The following LACTB2 variants were observed in gnomAD, a reference collection of about 807,000 sequenced individuals.
LACTB2 encodes lactamase beta 2.
Under a neutral mutation model 34.8 loss-of-function variants are expected in LACTB2, and 32 were observed. The ratio of observed to expected loss-of-function variants is 0.92; its 90% CI spans 0.69 to 1.24. LACTB2 has a LOEUF of 1.24. Among genes scored for constraint, LACTB2 ranks in the 50% most tolerant of loss-of-function variants. The pLI is 0.00. For missense variants in LACTB2, 320 were observed against 345.0 expected, an observed-to-expected ratio of 0.93 and a Z score of 0.57; for synonymous variants, 120 against 117.5, an observed-to-expected ratio of 1.02 and a Z score of -0.14.
intron 5 of LACTB2, 103 bp from the exon 6 acceptor site, chr8:70,638,732 T>C (rs910048452): frequency 1.0e-6 from 1 of 972,054 alleles, no homozygotes. Context: ...AGCAAAAGTT[T>C]ATCTTAAACA....
chr8:70,649,287 G>C (rs1265865020), intron 3 of LACTB2, among the ~76,000 whole-genome samples: 1 of 152,158 alleles, frequency 6.6e-6, no homozygotes, highest in Non-Finnish European at 1.5e-5. Flanking sequence ...ACCAGCATCA[G>C]GCCCGGAGGA....
intron 5 of LACTB2, among the ~76,000 whole-genome samples, chr8:70,639,628 G>A (rs1397489153): frequency 6.6e-6 from 1 of 152,044 alleles, no homozygotes; most frequent in Non-Finnish European, 1.5e-5. Flanking sequence ...AGGTTACAGG[G>A]TAATATCTTT....
At chr8:70,652,484 G>A (rs1818355315) in intron 3 of LACTB2, 1 of 152,170 alleles carries the variant, frequency 6.6e-6, no homozygotes, top group Admixed American at 6.6e-5. Flanking sequence ...TTTTTAAAAT[G>A]TGTCTGTTTT....
At chr8:70,660,809 A>G (rs773292748) in intron 2 of LACTB2, 2 of 451,216 alleles carry the variant, frequency 4.4e-6, no homozygotes, top group South Asian at 3.1e-5. Flanking sequence ...TTTTTTTTTC[A>G]TTCTGGTGCC....
At chr8:70,646,561 C>T (rs1378106861) in intron 3 of LACTB2, 2 of 152,116 alleles carry the variant, frequency 1.3e-5, no homozygotes, top group Admixed American at 1.3e-4. Flanking sequence ...AAATTCTACC[C>T]TATATAAGAA....
chr8:70,663,531 G>T lies in LACTB2; in HGVS notation c.123-1634C>A, dbSNP rs1818504434. 2.0e-5 allele frequency among the ~76,000 whole-genome samples: 3 copies of T among 152,330 alleles called. No individual in the cohort carries two copies. The South Asian group carries it at 6.2e-4, about 32-fold the overall frequency. ...GGACCAAGAGGGCATTTATTATAGG[G>T]TTCTGTTGGTAGTGGAAATGTAAGG... is the stretch of plus-strand genomic sequence containing the variant. On this transcript the variant is annotated intron_variant, in intron 1 of 6. Transcript: ENST00000276590.
chr8:70,645,479 G>A (rs1477684001), intron 3 of LACTB2, among the ~76,000 whole-genome samples: 2 of 151,890 alleles, frequency 1.3e-5, no homozygotes, highest in Non-Finnish European at 2.9e-5. Context: ...GCAGAAGGTG[G>A]TCAGAAAAAG....
chr8:70,664,827 A>G (rs551931642), intron 1 of LACTB2, among the ~76,000 whole-genome samples: 1 of 152,352 alleles, frequency 6.6e-6, no homozygotes, highest in South Asian at 2.1e-4. Context: ...TTTATTTTAT[A>G]GAAAACTTAT....
At chr8:70,650,735 C>CAAAAAAAAAAAAAAAAAAA (rs61025700) in intron 3 of LACTB2, among the ~76,000 whole-genome samples, 3 of 46,206 alleles carry the variant, frequency 6.5e-5, no homozygotes, top group Non-Finnish European at 7.4e-5. Flanking sequence ...GACTCCATCT[C>CAAAAAAAAAAAAAAAAAAA]AAAAAAAAAA....
chr8:70,638,506 T>G, intron 6 of LACTB2, 42 bp downstream of exon 6: 1 of 1,504,108 alleles, frequency 6.6e-7, no homozygotes, highest in Non-Finnish European at 8.9e-7. Context: ...GTAAAAATAT[T>G]TTAAATGCTG....
At chr8:70,654,079 C>G (rs1340190281) in intron 3 of LACTB2, 2 of 152,154 alleles carry the variant, frequency 1.3e-5, no homozygotes, top group African/African-American at 4.8e-5. Flanking sequence ...ACACTTACCC[C>G]CCTCCACAAA....
rs1321482634 is a variant in LACTB2 at position 70,661,994 on chromosome 8, A to G, written c.123-97T>C. ...TAATTTACATTAAAGAAACTGCAAA[A>G]ATTATTTTACTTTTAACATGCACAA... is the stretch of plus-strand genomic sequence containing the variant. On this transcript the variant is annotated intron_variant, in intron 1 of 6. Transcript: ENST00000276590. 4 of 1,073,564 alleles carry G rather than the reference A, an allele frequency of 3.7e-6. No individual in the cohort carries two copies. The African/African-American group carries it at 6.4e-5, about 17-fold the overall frequency. The allele number at this position is 1,073,564 out of a possible 1,614,324, so 66.5% of individuals were successfully genotyped here. A position where few individuals can be genotyped will look rare whatever the true frequency, so the allele number is the denominator to read the frequency against.
In LACTB2 at chr8:70,643,050, T is replaced by C. The variant is rs139896065; in HGVS notation, c.592+1015A>G. On this transcript the variant is annotated intron_variant, in intron 4 of 6. Coordinates refer to ENST00000276590, the MANE Select transcript of LACTB2 (RefSeq NM_016027.3). ...AGTGGTTTATGGAATGAAAACATTT[T>C]CCCATTTCAATGTAAGTTTATGTCT... Among the ~76,000 whole-genome samples the C allele has an allele frequency of 1.7e-3, 259 of 152,304 alleles. 1 individual carries two copies. In the East Asian group the frequency reaches 0.036, roughly 21 times the overall value.
rs990900411 is a variant in LACTB2, at chr8:70,668,748, G to GTTTTTTTTTTTTTTTTTTTTTTTTTTTT, written c.122+250_122+251insAAAAAAAAAAAAAAAAAAAAAAAAAAAA. Among the ~76,000 whole-genome samples the GTTTTTTTTTTTTTTTTTTTTTTTTTTTT allele has an allele frequency of 6.7e-5, 7 of 103,720 alleles. 1 individual carries two copies. The highest frequency in any genetic ancestry group is 1.3e-4 in the African/African-American group (3 of 23,872). The allele number at this position is 103,720 out of a possible 152,430, so 68.0% of individuals were successfully genotyped here. Reference sequence around the variant, plus strand: ...CAGTAAATCGGGTTTCAAAACAGAAGTTTTTTTTTTTTTTTTTTTTTTTTT... The same window carrying GTTTTTTTTTTTTTTTTTTTTTTTTTTTT: ...CAGTAAATCGGGTTTCAAAACAGAAGTTTTTTTTTTTTTTTTTTTTTTTTTTTTTTTTTTTTTTTTTTTTTTTTTTTTT... On this transcript the variant is annotated intron_variant, in intron 1 of 6. Coordinates refer to ENST00000276590, the MANE Select transcript of LACTB2 (RefSeq NM_016027.3).
At chr8:70,667,642 A>C (rs1469922241) in intron 1 of LACTB2, among the ~76,000 whole-genome samples, 1 of 152,174 alleles carries the variant, frequency 6.6e-6, no homozygotes, top group Non-Finnish European at 1.5e-5. Flanking sequence ...GTTGAGTGTG[A>C]TTATAGTGTT....
chr8:70,641,099 T>C (rs370925799), intron 4 of LACTB2, 49 bp from the exon 5 acceptor site: 12 of 1,474,100 alleles, frequency 8.1e-6, no homozygotes, highest in Non-Finnish European at 1.1e-5. Flanking sequence ...AAAAAAATAC[T>C]AAGTACAACA....
chr8:70,643,203 T>C (rs1818221183), intron 4 of LACTB2, among the ~76,000 whole-genome samples: 1 of 117,738 alleles, frequency 8.5e-6, no homozygotes, highest in Non-Finnish European at 1.7e-5. Flanking sequence ...TAGGGGTGTA[T>C]TTTCCTTTTT....
At chr8:70,640,398 T>C (rs1818181268) in intron 5 of LACTB2, among the ~76,000 whole-genome samples, 1 of 149,234 alleles carries the variant, frequency 6.7e-6, no homozygotes, top group Non-Finnish European at 1.5e-5. Context: ...GCCAGTGAGG[T>C]GTAAGGCTCT....
intron 4 of LACTB2, among the ~76,000 whole-genome samples, chr8:70,643,208 C>CATTTTTTTTTTTTTTTTTT (rs1818221357): frequency 3.9e-5 from 3 of 76,194 alleles, no homozygotes; most frequent in African/African-American, 9.0e-5. Flanking sequence ...GTGTATTTTC[C>CATTTTTTTTTTTTTTTTTT]TTTTTTTTTT....
Sources: gnomAD v4.1 joint callset for allele counts (sites outside exome capture counted in the v4.1 genomes callset) on GRCh38, gnomAD v4.1.1 for gene constraint, MANE v1.5 for transcripts, NCBI Gene and HGNC (gene_info 2026-07-23, HGNC 2026-07-21) for gene names.